The following ALLC variants were observed in gnomAD, a reference collection of about 807,000 sequenced individuals.
ALLC encodes probable inactive allantoicase.
A neutral mutation model predicts 45.0 loss-of-function variants in ALLC; 40 were observed. The ratio of observed to expected loss-of-function variants is 0.89; its 90% CI spans 0.69 to 1.16. ALLC has a LOEUF of 1.16. Among genes scored for constraint, ALLC ranks in the 50% most tolerant of loss-of-function variants. The pLI is 0.00. For synonymous variants in ALLC, 176 were observed against 178.1 expected (o/e 0.99, Z 0.09); for missense variants, 488 against 493.1 (o/e 0.99, Z 0.10).
At chr2:3,701,705 G>C in intron 11 of ALLC, 69 bp downstream of exon 11, 1 of 1,495,384 alleles carries the variant, frequency 6.7e-7, no homozygotes, top group Non-Finnish European at 9.0e-7. Flanking sequence ...TCTTTTGAAG[G>C]ATTAGGATAC....
chr2:3,652,565 C>T, the ALLC span, among the ~76,000 whole-genome samples: 3 of 151,214 alleles, frequency 2.0e-5, no homozygotes, highest in African/African-American at 7.3e-5. Context: ...TAACAAACCA[C>T]CCCAAAACTT....
chr2:3,658,143 A>G (rs1666484016), upstream of ALLC: 1 of 152,358 alleles, frequency 6.6e-6, no homozygotes, highest in Non-Finnish European at 1.5e-5. Flanking sequence ...CCCTTGTGAC[A>G]TCATACAGGC....
intron 1 of ALLC, among the ~76,000 whole-genome samples, chr2:3,669,464 A>G (rs1666808052): frequency 1.3e-5 from 2 of 149,508 alleles, no homozygotes; most frequent in Admixed American, 1.3e-4. Flanking sequence ...ACAGAGCAAG[A>G]CTCCGTCTCA....
At chr2:3,674,747 A>C (rs924797249) in intron 3 of ALLC, among the ~76,000 whole-genome samples, 2 of 152,182 alleles carry the variant, frequency 1.3e-5, no homozygotes, top group Admixed American at 1.3e-4. Context: ...AAGCTGAAGT[A>C]TGGCCCTGAG....
chr2:3,646,455 T>C, the ALLC span, among the ~76,000 whole-genome samples: 5 of 152,204 alleles, frequency 3.3e-5, no homozygotes, highest in East Asian at 3.8e-4. Flanking sequence ...TTTCTTGATA[T>C]CTCCTTGAAT....
intron 7 of ALLC, among the ~76,000 whole-genome samples, chr2:3,686,307 G>A (rs1291978421): frequency 3.3e-5 from 5 of 150,618 alleles, no homozygotes; most frequent in African/African-American, 4.8e-5. Context: ...TTATATCTGG[G>A]TTCTCTATTG....
chr2:3,670,424 T>G (rs1666833766), intron 1 of ALLC, among the ~76,000 whole-genome samples: 1 of 152,206 alleles, frequency 6.6e-6, no homozygotes, highest in Admixed American at 6.5e-5. Flanking sequence ...GGCCAGACTC[T>G]CCCTTCCTCC....
chr2:3,682,961 G>A lies in ALLC; in HGVS notation c.398G>A (p.Ser133Asn), dbSNP rs1217639908. 2 of 1,613,002 alleles carry A rather than the reference G, an allele frequency of 1.2e-6. No individual in the cohort carries two copies. The highest frequency in any genetic ancestry group is 1.7e-6 in the Non-Finnish European group (2 of 1,179,676). ...AIAELKSDDW[S>N]YLVPMTELKP... ...TGCTAGCTAAAATCCGACGACTGGAGTTACTTGGTTCCCATGACTGAGCTT... is the reference window on the plus strand; with the variant it reads ...TGCTAGCTAAAATCCGACGACTGGAATTACTTGGTTCCCATGACTGAGCTT... Residue 133 changes from serine to asparagine, a missense_variant, in exon 7 of 12, where the codon AGT becomes AAT. By Grantham distance (46) the Ser-to-Asn change is conservative. Transcript: ENST00000252505.
intron 7 of ALLC, among the ~76,000 whole-genome samples, chr2:3,692,175 C>A (rs1667539441): frequency 6.6e-6 from 1 of 152,182 alleles, no homozygotes; most frequent in South Asian, 2.1e-4. Flanking sequence ...GGGTATACAT[C>A]TATGCCTGTG....
chr2:3,696,260 T>C lies in ALLC; in HGVS notation c.668-15T>C. On this transcript the variant is annotated splice_polypyrimidine_tract_variant and intron_variant, in intron 8 of 11. Transcript: ENST00000252505. ...AATCATGCAGTTTACCATTCAACAA[T>C]GTTATTTTCTGTAGGAGTTGGCGGG... 1 of 1,608,512 alleles carries C rather than the reference T, an allele frequency of 6.2e-7. No individual in the cohort carries two copies. Among genetic ancestry groups the C allele is most frequent in the South Asian group, 1.1e-5 (1 of 89,856 alleles).
At chr2:3,674,379 C>A (rs1666968703) in intron 3 of ALLC, among the ~76,000 whole-genome samples, 1 of 152,182 alleles carries the variant, frequency 6.6e-6, no homozygotes, top group South Asian at 2.1e-4. Flanking sequence ...AAATACTGCT[C>A]TTCTGGGTAA....
chr2:3,666,704 G>A (rs1217527659), intron 1 of ALLC, among the ~76,000 whole-genome samples: 4 of 152,238 alleles, frequency 2.6e-5, no homozygotes, highest in Admixed American at 1.3e-4. Flanking sequence ...CTGTGAAGAC[G>A]CGATTTTAAT....
intron 8 of ALLC, 98 bp downstream of exon 8, chr2:3,695,970 C>T: frequency 8.0e-7 from 1 of 1,253,286 alleles, no homozygotes; most frequent in Non-Finnish European, 1.1e-6. Flanking sequence ...AAAGGCACAT[C>T]TCAAAGCACA....
At chr2:3,682,449 T>G (rs892554669) in intron 6 of ALLC, among the ~76,000 whole-genome samples, 1 of 152,240 alleles carries the variant, frequency 6.6e-6, no homozygotes, top group Non-Finnish European at 1.5e-5. Context: ...CTTTATTCTG[T>G]TTTTTATTAA....
chr2:3,650,433 C>T, the ALLC span, among the ~76,000 whole-genome samples: 1 of 152,200 alleles, frequency 6.6e-6, no homozygotes, highest in East Asian at 1.9e-4. Flanking sequence ...GCGCTGTTTG[C>T]TGGCTACTGA....
chr2:3,646,973 A>C, the ALLC span, among the ~76,000 whole-genome samples: 1 of 152,092 alleles, frequency 6.6e-6, no homozygotes, highest in Non-Finnish European at 1.5e-5. Context: ...TGAATGGGCA[A>C]GTCCTCAGTG....
chr2:3,701,341 A>G (rs563478857), intron 10 of ALLC, among the ~76,000 whole-genome samples, 171 bp from the exon 11 acceptor site: 24 of 152,296 alleles, frequency 1.6e-4, no homozygotes, highest in African/African-American at 5.5e-4. Context: ...TCTGAGCCTC[A>G]CAAACCGGTT....
rs759831472 is a variant in ALLC, at chr2:3,678,467, G to C, written c.85-1G>C. On this transcript the variant is annotated splice_acceptor_variant, in intron 3 of 11. Transcript: ENST00000252505. LOFTEE classifies it high-confidence loss of function. ...TCACCTTGTTGTGGTCTTTGCCCTA[G>C]AGTGACAGCCCGTGCTTCAAAGAGC... 36 of 1,613,410 alleles carry C rather than the reference G, an allele frequency of 2.2e-5. No homozygotes were observed. The highest frequency in any genetic ancestry group is 6.7e-5 in the Admixed American group (4 of 60,010).
the ALLC span, among the ~76,000 whole-genome samples, chr2:3,649,838 A>G: frequency 6.6e-6 from 1 of 152,234 alleles, no homozygotes. Context: ...CCACGCAGAC[A>G]TGGGGAGAAC....
Sources: gnomAD v4.1 joint callset for allele counts (sites outside exome capture counted in the v4.1 genomes callset) on GRCh38, gnomAD v4.1.1 for gene constraint, MANE v1.5 for transcripts, NCBI Gene and HGNC (gene_info 2026-07-23, HGNC 2026-07-21) for gene names.